Variants in TTLL11 observed in about 807,000 individuals in gnomAD.
TTLL11 encodes tubulin polyglutamylase TTLL11.
Under a neutral mutation model 51.7 loss-of-function variants are expected in TTLL11, and 42 were observed. The ratio of observed to expected loss-of-function variants is 0.81; its 90% CI spans 0.64 to 1.05. The LOEUF (loss-of-function observed/expected upper bound fraction) is 1.05, where lower values mean the gene tolerates loss of function less well. Among genes scored for constraint, TTLL11 ranks in the 50% least tolerant of loss-of-function variants. The pLI, the probability that TTLL11 is intolerant of heterozygous loss-of-function variation, is 0.00. For synonymous variants in TTLL11, 381 were observed against 383.5 expected (o/e 0.99, Z 0.08); for missense variants, 799 against 940.4 (o/e 0.85, Z 1.97).
At chr9:122,001,067 G>A (rs1398174108) in intron 3 of TTLL11, among the ~76,000 whole-genome samples, 5 of 152,004 alleles carry the variant, frequency 3.3e-5, no homozygotes, top group Admixed American at 2.6e-4. Context: ...TCAGTACCTT[G>A]TTTGTGTGTA....
intron 1 of TTLL11, among the ~76,000 whole-genome samples, chr9:122,091,444 G>T (rs1388282003): frequency 6.6e-6 from 1 of 152,188 alleles, no homozygotes; most frequent in East Asian, 1.9e-4. Flanking sequence ...AAGGCTGGGG[G>T]CCCAGACACT....
At chr9:121,954,088 T>A (rs1475138635) in intron 6 of TTLL11, among the ~76,000 whole-genome samples, 1 of 152,232 alleles carries the variant, frequency 6.6e-6, no homozygotes, top group South Asian at 2.1e-4. Context: ...CCCCACTGTA[T>A]GTGAGAAAGA....
chr9:121,883,444 A>T (rs1257310159), intron 6 of TTLL11, among the ~76,000 whole-genome samples: 3 of 152,104 alleles, frequency 2.0e-5, no homozygotes, highest in African/African-American at 7.2e-5. Flanking sequence ...TGTTGGGTCA[A>T]CTCAAGCCCC....
chr9:122,022,722 T>C (rs574841729), intron 3 of TTLL11, among the ~76,000 whole-genome samples: 74 of 152,158 alleles, frequency 4.9e-4, no homozygotes, highest in African/African-American at 1.6e-3. Context: ...GGTAAATATA[T>C]GAGTAAATAT....
chr9:121,947,206 C>T (rs988853652), intron 6 of TTLL11, among the ~76,000 whole-genome samples: 1 of 152,134 alleles, frequency 6.6e-6, no homozygotes, highest in African/African-American at 2.4e-5. Flanking sequence ...TTAAAAACCA[C>T]TGATAGCCTG....
chr9:122,081,310 C>T (rs551605685), intron 1 of TTLL11, among the ~76,000 whole-genome samples: 29 of 152,192 alleles, frequency 1.9e-4, no homozygotes, highest in Non-Finnish European at 3.1e-4. Context: ...CTCTTAACAC[C>T]TCTGAAGAGT....
intron 7 of TTLL11, 91 bp downstream of exon 7, chr9:121,870,406 C>T (rs756044287): frequency 7.0e-5 from 102 of 1,465,810 alleles, no homozygotes; most frequent in Non-Finnish European, 9.2e-5. Context: ...ACAGATTCTC[C>T]CGAGCGCAGT....
chr9:122,088,887 T>A (rs879695596), intron 1 of TTLL11, among the ~76,000 whole-genome samples: 2 of 151,838 alleles, frequency 1.3e-5, no homozygotes, highest in African/African-American at 2.4e-5. Flanking sequence ...ATGCCTGTAA[T>A]CTCAGCTACT....
intron 3 of TTLL11, among the ~76,000 whole-genome samples, chr9:122,022,279 T>G (rs375966073): frequency 5.3e-5 from 8 of 151,732 alleles, no homozygotes; most frequent in Admixed American, 4.6e-4. Flanking sequence ...AAAAGCTCAA[T>G]GAGAAACATG....
At chr9:122,018,947 T>C (rs1844078949) in intron 3 of TTLL11, among the ~76,000 whole-genome samples, 1 of 152,200 alleles carries the variant, frequency 6.6e-6, no homozygotes, top group Admixed American at 6.5e-5. Flanking sequence ...AGGCAGTCAA[T>C]ACTTGAGCAA....
In TTLL11 at chr9:121,995,842, A is replaced by G. The variant is rs376331591; in HGVS notation, c.694-6072T>C. 6.6e-6 allele frequency among the ~76,000 whole-genome samples: 1 copy of G among 152,322 alleles called. No homozygotes were observed. Among genetic ancestry groups the G allele is most frequent in the Admixed American group, 6.5e-5 (1 of 15,300 alleles). On this transcript the variant is annotated intron_variant, in intron 3 of 8. Transcript: ENST00000321582. The surrounding 1 kb of genome is among the most constrained non-coding windows in gnomAD (Gnocchi z 4.4). ...CTGCTGTCCGACAGGGATGAGACTC[A>G]GACTCTAAACTCAGATGGCGCATAC...
In TTLL11 at chr9:121,989,557, A is replaced by T; in HGVS notation, c.907T>A (p.Leu303Ile). The T allele has an allele frequency of 6.2e-7, 1 of 1,614,162 alleles. No individual in the cohort carries two copies. Reference protein sequence around the residue: ...KLKFDIRLYVLLKSLDPLEIY... With the variant: ...KLKFDIRLYVILKSLDPLEIY... ...TCTAAGGGGTCTAAGGACTTGAGTAAGACATACAGACGAATATCAAACTTG... is the reference window on the plus strand; with the variant it reads ...TCTAAGGGGTCTAAGGACTTGAGTATGACATACAGACGAATATCAAACTTG... The change falls in exon 4 of 9, where the codon TTA becomes ATA. Residue 303 changes from leucine to isoleucine, a missense_variant. By Grantham distance (5) the Leu-to-Ile change is conservative. Coordinates refer to ENST00000321582, the MANE Select transcript of TTLL11 (RefSeq NM_001139442.2). This position sits in a 1 kb window ranked among gnomAD's most constrained non-coding sequence, Gnocchi z 4.2.
chr9:122,075,901 G>A (rs1211726844), intron 1 of TTLL11, among the ~76,000 whole-genome samples: 1 of 152,032 alleles, frequency 6.6e-6, no homozygotes, highest in Non-Finnish European at 1.5e-5. Context: ...ATCCCTTCAT[G>A]TCATTTCCCT....
chr9:121,900,935 A>T (rs188734471), intron 6 of TTLL11, among the ~76,000 whole-genome samples: 2 of 152,222 alleles, frequency 1.3e-5, no homozygotes, highest in East Asian at 3.9e-4. Flanking sequence ...CAGCCTCCTG[A>T]GTAGCTGAGA....
At chr9:121,967,013 T>A (rs1011538749) in intron 6 of TTLL11, among the ~76,000 whole-genome samples, 4 of 152,134 alleles carry the variant, frequency 2.6e-5, no homozygotes, top group Non-Finnish European at 5.9e-5. Context: ...TCATTTCATA[T>A]CATGACCATG....
chr9:121,976,737 T>A (rs1400017919), intron 4 of TTLL11, among the ~76,000 whole-genome samples: 1 of 152,226 alleles, frequency 6.6e-6, no homozygotes, highest in Non-Finnish European at 1.5e-5. Context: ...TATTTTTCAA[T>A]GAAGGGCAAT....
intron 6 of TTLL11, among the ~76,000 whole-genome samples, chr9:121,891,084 GTTT>G (rs1190777116): frequency 6.6e-6 from 1 of 152,164 alleles, no homozygotes; most frequent in Non-Finnish European, 1.5e-5. Flanking sequence ...ATGACACCCT[GTTT>G]TTAACCCCTT....
At chr9:122,021,290 T>C (rs1024408707) in intron 3 of TTLL11, among the ~76,000 whole-genome samples, 1 of 151,906 alleles carries the variant, frequency 6.6e-6, no homozygotes, top group Non-Finnish European at 1.5e-5. Flanking sequence ...CGCCCTGAGT[T>C]GAGAAAATGG....
chr9:122,085,030 C>T (rs569182054), intron 1 of TTLL11, among the ~76,000 whole-genome samples: 1 of 152,092 alleles, frequency 6.6e-6, no homozygotes, highest in Non-Finnish European at 1.5e-5. Context: ...GAGGCTGAGG[C>T]GGGCAGATCA....
Sources: allele counts gnomAD v4.1 joint callset (sites outside exome capture counted in the v4.1 genomes callset), GRCh38; gene constraint gnomAD v4.1.1; non-coding constraint Gnocchi (gnomAD v3.1); transcripts MANE v1.5; gene names NCBI Gene and HGNC (gene_info 2026-07-23, HGNC 2026-07-21).